ZC3H12C: variants seen among roughly 807,000 people sequenced by gnomAD.
ZC3H12C encodes probable ribonuclease ZC3H12C.
A neutral mutation model predicts 76.3 loss-of-function variants in ZC3H12C; 20 were observed. That is an observed-to-expected ratio of 0.26 (90% confidence interval 0.18 to 0.38). The LOEUF (loss-of-function observed/expected upper bound fraction) is 0.38. ZC3H12C is among the 10% of genes least tolerant of loss of function. The pLI, the probability that ZC3H12C is intolerant of heterozygous loss-of-function variation, is 1.00. For synonymous variants in ZC3H12C, 352 were observed against 399.6 expected (o/e 0.88, Z 1.42); for missense variants, 874 against 1,086.5 (o/e 0.80, Z 2.75).
chr11:110,121,151 A>C (rs1386135376), intron 1 of ZC3H12C, among the ~76,000 whole-genome samples: 1 of 152,232 alleles, frequency 6.6e-6, no homozygotes, highest in Non-Finnish European at 1.5e-5. Context: ...GTATATCTAA[A>C]ATTGAGAGAA....
chr11:110,170,294 C>G lies in ZC3H12C; in HGVS notation c.*4557C>G, dbSNP rs1862653689. ...TGATAAATGGGAATCCCTTACCAAC[C>G]TTTTGTTTTTTAAAAGTCTCATAGA... On this transcript the variant is annotated 3_prime_UTR_variant, in exon 6 of 6. Coordinates refer to ENST00000278590, the MANE Select transcript of ZC3H12C (RefSeq NM_033390.2). 1 of 152,024 alleles carries G rather than the reference C, an allele frequency of 6.6e-6. No homozygotes were observed. The highest frequency in any genetic ancestry group is 2.1e-4 in the South Asian group (1 of 4,830). The allele number at this position is 152,024 out of a possible 1,614,324, so 9.4% of individuals were successfully genotyped here.
Position 110,159,383 on chromosome 11 carries a change from C to T in ZC3H12C, c.1041C>T (p.Asp347=), listed in dbSNP as rs745507595. The change falls in exon 4 of 6, where the codon GAC becomes GAT. Residue 347 remains aspartate (D), a synonymous_variant. Transcript: ENST00000278590. Reference sequence around the variant, plus strand: ...TCGTGAAGCTGGCTTTTGAGTCGGACGGTATCATTGTGTCCAATGATAACT... The same window carrying T: ...TCGTGAAGCTGGCTTTTGAGTCGGATGGTATCATTGTGTCCAATGATAACT... The part of the protein sequence containing the change: ...RFIVKLAFES[D]GIIVSNDNYR... The T allele has an allele frequency of 2.3e-5, 37 of 1,613,844 alleles. No individual in the cohort carries two copies. The highest frequency in any genetic ancestry group is 1.6e-4 in the Middle Eastern group (1 of 6,084).
intron 2 of ZC3H12C, among the ~76,000 whole-genome samples, chr11:110,145,604 C>CCG (rs568435064): frequency 6.8e-6 from 1 of 147,522 alleles, no homozygotes; most frequent in Non-Finnish European, 1.5e-5. Context: ...AAATTGGGGG[C>CCG]GGGGGGGAGT....
intron 2 of ZC3H12C, among the ~76,000 whole-genome samples, chr11:110,148,749 T>G (rs779438214): frequency 1.3e-5 from 2 of 152,248 alleles, no homozygotes; most frequent in African/African-American, 4.8e-5. Flanking sequence ...CCTGCATCCA[T>G]GCAGATAGCC....
chr11:110,097,802 T>C (rs549796398), intron 1 of ZC3H12C, among the ~76,000 whole-genome samples: 6 of 152,280 alleles, frequency 3.9e-5, no homozygotes, highest in African/African-American at 1.4e-4. Context: ...TGCATAAGAT[T>C]ATAATAGAGC....
chr11:110,140,022 C>A (rs1862042182), intron 2 of ZC3H12C, among the ~76,000 whole-genome samples: 1 of 152,078 alleles, frequency 6.6e-6, no homozygotes, highest in African/African-American at 2.4e-5. Context: ...ACAATTAAGG[C>A]CGGGCACAGT....
In ZC3H12C at chr11:110,165,935, C is replaced by CT. The variant is rs35138658; in HGVS notation, c.*209dup. On this transcript the variant is annotated 3_prime_UTR_variant, in exon 6 of 6. Transcript: ENST00000278590. Reference sequence around the variant, plus strand: ...ATCACGGGATTGCTTTACATTTAAACTTTTTTTTTTTAACATTTCCTTTTT... The same window carrying CT: ...ATCACGGGATTGCTTTACATTTAAACTTTTTTTTTTTTAACATTTCCTTTTT... 5,460 of 479,028 alleles carry CT rather than the reference C, an allele frequency of 0.011. No homozygotes were observed. The highest frequency in any genetic ancestry group is 0.018 in the South Asian group (464 of 26,514). The allele number at this position is 479,028 out of a possible 1,614,324, so 29.7% of individuals were successfully genotyped here.
chr11:110,148,877 T>C (rs1487967655), intron 2 of ZC3H12C, among the ~76,000 whole-genome samples: 1 of 152,254 alleles, frequency 6.6e-6, no homozygotes, highest in Non-Finnish European at 1.5e-5. Flanking sequence ...TACATGGCAC[T>C]TACTCTGACA....
At position 110,165,076 on chromosome 11, in the gene ZC3H12C, A is replaced by G; in HGVS notation, c.1991A>G (p.His664Arg). 6.2e-7 allele frequency: 1 copy of G among 1,613,798 alleles called. No individual in the cohort carries two copies. The highest frequency in any genetic ancestry group is 8.5e-7 in the Non-Finnish European group (1 of 1,179,900). ...CTAGAGGAGAATTTGAAGTGTCAAC[A>G]CATGCACCCTCACAGCCGCCTTAAT... ...PQLEENLKCQ[H>R]MHPHSRLNPQ... Residue 664 changes from histidine to arginine, a missense_variant, in exon 6 of 6, where the codon CAC (histidine) becomes CGC (arginine). By Grantham distance (29) the His-to-Arg change is conservative (BLOSUM62 0). Coordinates refer to ENST00000278590, the MANE Select transcript of ZC3H12C (RefSeq NM_033390.2).
In ZC3H12C at chr11:110,137,329, T is replaced by A. The variant is rs756123847; in HGVS notation, c.688T>A (p.Ser230Thr). 3 of 1,613,916 alleles carry A rather than the reference T, an allele frequency of 1.9e-6. No individual in the cohort carries two copies. The South Asian group carries it at 3.3e-5, about 18-fold the overall frequency. ...RETSSLESQR[S>T]ESPMQEIVTD... The stretch of plus-strand genomic sequence containing the variant: ...AACTTCTTCCCTGGAATCTCAGAGG[T>A]CTGAATCTCCAATGCAAGAGATTGT... The change falls in exon 2 of 6, where the codon TCT becomes ACT. Residue 230 changes from serine to threonine, a missense_variant. Transcript: ENST00000278590.
chr11:110,096,898 A>T (rs1231903278), intron 1 of ZC3H12C, among the ~76,000 whole-genome samples: 5 of 152,264 alleles, frequency 3.3e-5, no homozygotes, highest in African/African-American at 1.2e-4. Flanking sequence ...GTTTCAGTCC[A>T]GCATGGCAAA....
At chr11:110,115,578 C>T (rs1360703094) in intron 1 of ZC3H12C, among the ~76,000 whole-genome samples, 8 of 151,988 alleles carry the variant, frequency 5.3e-5, no homozygotes, top group African/African-American at 1.7e-4. Context: ...GTTGGGATTA[C>T]AGGCGTGAGC....
At chr11:110,108,308 G>A (rs1217131815) in intron 1 of ZC3H12C, among the ~76,000 whole-genome samples, 1 of 152,140 alleles carries the variant, frequency 6.6e-6, no homozygotes, top group Non-Finnish European at 1.5e-5. Context: ...TGGCTCCTTA[G>A]ATATCTTTGC....
intron 1 of ZC3H12C, among the ~76,000 whole-genome samples, chr11:110,109,131 A>T (rs2134151786): frequency 6.6e-6 from 1 of 152,332 alleles, no homozygotes; most frequent in East Asian, 1.9e-4. Flanking sequence ...CTTTGTCAGC[A>T]GTTAGGCTAG....
Position 110,169,454 on chromosome 11 carries a change from A to C in ZC3H12C, c.*3717A>C, listed in dbSNP as rs1862638363. 2 of 150,576 alleles carry C rather than the reference A, an allele frequency of 1.3e-5. No homozygotes were observed. Among genetic ancestry groups the C allele is most frequent in the Admixed American group, 1.3e-4 (2 of 15,014 alleles). 9.3% of individuals were successfully genotyped at this position (150,576 alleles called of 1,614,324 possible). A position where few individuals can be genotyped will look rare whatever the true frequency, so the allele number is the denominator to read the frequency against. ...CTTTAAAGTATGTTTGGTTTTCATT[A>C]TTCTTTTTGCTCTCCAACTTCCTTA... On this transcript the variant is annotated 3_prime_UTR_variant, in exon 6 of 6. Transcript: ENST00000278590.
chr11:110,143,640 A>G (rs1273632973), intron 2 of ZC3H12C, among the ~76,000 whole-genome samples: 1 of 152,144 alleles, frequency 6.6e-6, no homozygotes, highest in African/African-American at 2.4e-5. Context: ...TTTCTAGTTT[A>G]AAAAGATTAT....
rs1223797327 is a variant in ZC3H12C, at chr11:110,117,831, T to A, written c.22-18832T>A. Among the ~76,000 whole-genome samples, 6 of 126,748 alleles carry A rather than the reference T, an allele frequency of 4.7e-5. No individual in the cohort carries two copies. In the South Asian group the frequency reaches 9.7e-4, roughly 21 times the overall value. 83.2% of individuals were successfully genotyped at this position (126,748 alleles called of 152,430 possible). A position where few individuals can be genotyped will look rare whatever the true frequency, so the allele number is the denominator to read the frequency against. ...ACACATATATATACACACACACATATAATATATATATACACACACACATAT... is the reference window on the plus strand; with the variant it reads ...ACACATATATATACACACACACATAAAATATATATATACACACACACATAT... On this transcript the variant is annotated intron_variant, in intron 1 of 5. Transcript: ENST00000278590.
chr11:110,126,847 T>G (rs1295824400), intron 1 of ZC3H12C, among the ~76,000 whole-genome samples: 2 of 152,222 alleles, frequency 1.3e-5, no homozygotes, highest in Admixed American at 6.5e-5. Context: ...ATTAATGTAC[T>G]TTTTCTACCC....
At chr11:110,111,804 A>C (rs536282644) in intron 1 of ZC3H12C, among the ~76,000 whole-genome samples, 2 of 151,386 alleles carry the variant, frequency 1.3e-5, no homozygotes, top group East Asian at 3.9e-4. Context: ...CAGCATCCCA[A>C]GGTGCTGAGA....
Sources: gnomAD v4.1 joint callset for allele counts (sites outside exome capture counted in the v4.1 genomes callset) on GRCh38, gnomAD v4.1.1 for gene constraint, MANE v1.5 for transcripts, NCBI Gene and HGNC (gene_info 2026-07-23, HGNC 2026-07-21) for gene names.